The following UBA1 variants were observed in gnomAD, a reference collection of about 807,000 sequenced individuals.
UBA1 encodes ubiquitin like modifier activating enzyme 1, also known as ubiquitin-like modifier-activating enzyme 1.
A neutral mutation model predicts 84.7 loss-of-function variants in UBA1; 4 were observed. That is an observed-to-expected ratio of 0.05 (90% CI 0.02 to 0.11). UBA1 has a LOEUF of 0.11. Among genes scored for constraint, UBA1 ranks in the 10% least tolerant of loss-of-function variants. The pLI is 1.00. For synonymous variants in UBA1, 364 were observed against 362.6 expected, an observed-to-expected ratio of 1.00 and a Z score of -0.04; for missense variants, 513 against 902.8, an observed-to-expected ratio of 0.57 and a Z score of 5.53.
chrX:47,214,396 A>G lies in UBA1; in HGVS notation c.2908A>G (p.Met970Val). The G allele has an allele frequency of 8.3e-7, 1 of 1,210,469 alleles. No individual in the cohort carries two copies. The highest frequency in any genetic ancestry group is 1.1e-6 in the Non-Finnish European group (1 of 895,046). Residue 970 changes from methionine (M) to valine (V), a missense_variant, in exon 24 of 26, where the codon ATG becomes GTG. This residue lies in a region of UBA1 where 151 missense variants were observed against 260.1 expected (regional missense o/e 0.58). Transcript: ENST00000335972. Reference sequence around the variant, plus strand: ...AGGGCTGCAGCCTAATGGTGAGGAGATGACCCTCAAACAGTTCCTCGACTA... The same window carrying G: ...AGGGCTGCAGCCTAATGGTGAGGAGGTGACCCTCAAACAGTTCCTCGACTA... Reference protein sequence around the residue: ...VQGLQPNGEEMTLKQFLDYFK... With the variant: ...VQGLQPNGEEVTLKQFLDYFK...
At chrX:47,208,313 AAG>A (rs1556791971) in intron 16 of UBA1, among the ~76,000 whole-genome samples, 1 of 94,200 alleles carries the variant, frequency 1.1e-5, no homozygotes, top group African/African-American at 4.4e-5. Context: ...GTGTACGTGT[AAG>A]TGTGTGTACG....
chrX:47,214,512 C>T, intron 24 of UBA1, 25 bp from the exon 25 acceptor site: 3 of 1,201,691 alleles, frequency 2.5e-6, no homozygotes, highest in South Asian at 1.8e-5. Context: ...CCTCCATGAC[C>T]CTGCTGTTCC....
chrX:47,212,367 C>A, intron 20 of UBA1, 57 bp from the exon 21 acceptor site: 1 of 936,943 alleles, frequency 1.1e-6, no homozygotes. Flanking sequence ...CTCTCATTTC[C>A]ATCTCAGACC....
intron 25 of UBA1, 21 bp from the exon 26 acceptor site, chrX:47,214,771 TAC>T: frequency 8.3e-7 from 1 of 1,209,506 alleles, no homozygotes; most frequent in Non-Finnish European, 1.1e-6. Flanking sequence ...CCTGACCCTA[TAC>T]TCCCATCCCC....
chrX:47,202,770 A>G lies in UBA1; in HGVS notation c.1189A>G (p.Ile397Val), dbSNP rs1556788826. The G allele has an allele frequency of 2.5e-6, 3 of 1,209,641 alleles. No individual in the cohort carries two copies. In the East Asian group the frequency reaches 8.9e-5, roughly 36 times the overall value. ...TGTGGCTGCTGGGGATCTGGCACCC[A>G]TAAACGCCTTCATTGGGGGCCTGGC... ...AYVAAGDLAPINAFIGGLAAQ... is the reference protein window; with the variant it reads ...AYVAAGDLAPVNAFIGGLAAQ... The change falls in exon 11 of 26, where the codon ATA (isoleucine) becomes GTA (valine). Residue 397 changes from isoleucine to valine, a missense_variant. Ile to Val is a conservative substitution (Grantham distance 29). This residue lies in a region of UBA1 where 227 missense variants were observed against 339.1 expected (regional missense o/e 0.67). Transcript: ENST00000335972.
chrX:47,208,601 C>G (rs1602648951), intron 16 of UBA1: 1 of 102,311 alleles, frequency 9.8e-6, no homozygotes, highest in African/African-American at 3.5e-5. Context: ...CATAACATAT[C>G]TAGAATAAGG....
At chrX:47,207,599 A>G (rs1936729139) in intron 16 of UBA1, among the ~76,000 whole-genome samples, 1 of 111,470 alleles carries the variant, frequency 9.0e-6, no homozygotes. Context: ...GTGCTGTCAG[A>G]ATAATTCTTA....
At chrX:47,200,770 G>A in intron 5 of UBA1, 124 bp from the exon 6 acceptor site, 1 of 534,396 alleles carries the variant, frequency 1.9e-6, no homozygotes, top group East Asian at 3.6e-5. Context: ...ATGTGTTTGT[G>A]AAAGAGGCTG....
intron 1 of UBA1, among the ~76,000 whole-genome samples, chrX:47,195,311 G>T (rs1279778038): frequency 9.1e-6 from 1 of 110,382 alleles, no homozygotes; most frequent in Non-Finnish European, 1.9e-5. Context: ...GTGCAGTGGC[G>T]CCATCTCAGC....
intron 14 of UBA1, chrX:47,205,415 T>G (rs1556790400): frequency 1.2e-5 from 4 of 341,607 alleles, no homozygotes; most frequent in South Asian, 1.0e-4. Context: ...AGTCTGTTCC[T>G]GTCCACAGCT....
rs984086802 is a variant in UBA1 at position 47,193,841 on chromosome X, C to A, written c.-184C>A. The A allele has an allele frequency of 2.7e-5, 3 of 111,256 alleles. No homozygotes were observed. The highest frequency in any genetic ancestry group is 5.7e-4 in the East Asian group (2 of 3,502). The allele number at this position is 111,256 out of a possible 1,213,427, so 9.2% of individuals were successfully genotyped here. On this transcript the variant is annotated 5_prime_UTR_variant, in exon 1 of 26. Coordinates refer to ENST00000335972, the MANE Select transcript of UBA1 (RefSeq NM_003334.4). ...CTCAGCGTCCGCCATCTTGTGTCGG[C>A]GGCTCGGCTGTAAGGAGGTGGCAGG...
chrX:47,202,825 G>A lies in UBA1; in HGVS notation c.1233+11G>A. On this transcript the variant is annotated intron_variant, in intron 11 of 25. Coordinates refer to ENST00000335972, the MANE Select transcript of UBA1 (RefSeq NM_003334.4). The stretch of plus-strand genomic sequence containing the variant: ...CAGGAAGTCATGAAGGTCAGCACGG[G>A]TGGGGAGAGGCAGGATTGGGGTGGG... The A allele has an allele frequency of 8.3e-7, 1 of 1,205,444 alleles. No homozygotes were observed. Among genetic ancestry groups the A allele is most frequent in the Non-Finnish European group, 1.1e-6 (1 of 892,028 alleles).
intron 1 of UBA1, chrX:47,197,824 C>T (rs1389790683): frequency 6.0e-6 from 3 of 502,719 alleles, no homozygotes; most frequent in Non-Finnish European, 7.4e-6. Context: ...CCTTGGTCAC[C>T]GAACGTCCCT....
upstream of UBA1, chrX:47,191,359 T>G (rs1936059846): frequency 9.0e-6 from 1 of 111,499 alleles, no homozygotes; most frequent in African/African-American, 3.3e-5. Flanking sequence ...CGTGGCATTG[T>G]GGAGGTGTCA....
chrX:47,202,324 C>T (rs781905044), intron 9 of UBA1, 34 bp from the exon 10 acceptor site: 1 of 1,209,250 alleles, frequency 8.3e-7, no homozygotes, highest in South Asian at 1.8e-5. Context: ...CCATTCCTCT[C>T]TTCTGGTTCT....
chrX:47,198,806 T>C lies in UBA1; in HGVS notation c.4T>C (p.Ser2Pro). The C allele has an allele frequency of 8.3e-7, 1 of 1,211,631 alleles. No homozygotes were observed. The highest frequency in any genetic ancestry group is 1.1e-6 in the Non-Finnish European group (1 of 895,347). Residue 2 changes from serine to proline, a missense_variant, in exon 2 of 26, where the codon TCC becomes CCC. Around this residue, in one of 6 missense-constraint regions of UBA1, gnomAD observed 38 missense variants for 43.4 expected, o/e 0.88. Coordinates refer to ENST00000335972, the MANE Select transcript of UBA1 (RefSeq NM_003334.4). M[S>P]SSPLSKKRRV... ...CTCTGACCTTTTTTTCCTCCAGATG[T>C]CCAGCTCGCCGCTGTCCAAGAAACG...
In UBA1 at chrX:47,207,667, A is replaced by G. The variant is rs782349658; in HGVS notation, c.1938+1223A>G. Among the ~76,000 whole-genome samples, 97 of 111,227 alleles carry G rather than the reference A, an allele frequency of 8.7e-4. 1 individual carries two copies. Among genetic ancestry groups the G allele is most frequent in the Non-Finnish European group, 1.7e-3 (89 of 52,947 alleles). ...GTAGGAGTATGAGGGTGGGAACAAA[A>G]TAGGGAAGGGAAAAAAAAAACAGTT... On this transcript the variant is annotated intron_variant, in intron 16 of 25. Transcript: ENST00000335972.
At position 47,205,996 on chromosome X, in the gene UBA1, C is replaced by T; in HGVS notation, c.1624C>T (p.His542Tyr). The change falls in exon 15 of 26, where the codon CAT becomes TAT. Residue 542 changes from histidine (H) to tyrosine (Y), a missense_variant. Around this residue, in one of 6 missense-constraint regions of UBA1, gnomAD observed 55 missense variants for 104.8 expected, o/e 0.52. Coordinates refer to ENST00000335972, the MANE Select transcript of UBA1 (RefSeq NM_003334.4). ...TGCAGCTGTGCGCCAAATGAATCCACATATCCGGGTGACAAGCCACCAGAA... is the reference window on the plus strand; with the variant it reads ...TGCAGCTGTGCGCCAAATGAATCCATATATCCGGGTGACAAGCCACCAGAA... ...AAAAVRQMNPHIRVTSHQNRV... is the reference protein window; with the variant it reads ...AAAAVRQMNPYIRVTSHQNRV... 1 of 1,204,964 alleles carries T rather than the reference C, an allele frequency of 8.3e-7. No individual in the cohort carries two copies. Among genetic ancestry groups the T allele is most frequent in the South Asian group, 1.8e-5 (1 of 55,563 alleles).
At chrX:47,195,289 G>A (rs976326390) in intron 1 of UBA1, among the ~76,000 whole-genome samples, 1 of 110,000 alleles carries the variant, frequency 9.1e-6, no homozygotes, top group East Asian at 2.8e-4. Context: ...TCACTATGTC[G>A]TCCAGGCTGG....
Sources: allele counts gnomAD v4.1 joint callset (sites outside exome capture counted in the v4.1 genomes callset), GRCh38; gene constraint gnomAD v4.1.1; regional missense constraint gnomAD v4.1.1; transcripts MANE v1.5; gene names NCBI Gene and HGNC (gene_info 2026-07-23, HGNC 2026-07-21).